MARCHF4: variants seen among roughly 807,000 people sequenced by gnomAD.
MARCHF4 encodes E3 ubiquitin-protein ligase MARCHF4.
In MARCHF4, 14 loss-of-function variants were observed where a neutral mutation model predicts 43.9. The observed-to-expected ratio is 0.32, with a 90% CI of 0.21 to 0.50. MARCHF4 has a LOEUF of 0.50. Ranked by LOEUF, MARCHF4 falls within the 20% of genes least tolerant of loss-of-function variation. MARCHF4 has a pLI of 0.98. For synonymous variants in MARCHF4, 226 were observed against 213.3 expected (o/e 1.06, Z -0.52); for missense variants, 468 against 536.7 (o/e 0.87, Z 1.27).
At chr2:216,263,517 G>GAGAGAGAGAGAGAGAA (rs1690784950) in intron 3 of MARCHF4, among the ~76,000 whole-genome samples, 2 of 97,214 alleles carry the variant, frequency 2.1e-5, no homozygotes, top group African/African-American at 5.6e-5. Context: ...GAGAGAGAGA[G>GAGAGAGAGAGAGAGAA]AGAGAGAGAG....
At chr2:216,290,480 G>A (rs1367987993) in intron 1 of MARCHF4, among the ~76,000 whole-genome samples, 6 of 152,194 alleles carry the variant, frequency 3.9e-5, no homozygotes, top group Admixed American at 3.3e-4. Flanking sequence ...GGACAGATCA[G>A]GCCAGGCTTG....
intron 1 of MARCHF4, among the ~76,000 whole-genome samples, chr2:216,360,748 C>A (rs1221612170): frequency 2.6e-5 from 4 of 152,292 alleles, no homozygotes; most frequent in African/African-American, 4.8e-5. Flanking sequence ...CTCATGTAAT[C>A]TATGGACTTT....
At chr2:216,336,066 T>TAAA (rs34216672) in intron 1 of MARCHF4, among the ~76,000 whole-genome samples, 13 of 60,566 alleles carry the variant, frequency 2.1e-4, no homozygotes, top group East Asian at 1.1e-3. Context: ...AGACTCTGTC[T>TAAA]AAAAAAAAAA....
intron 1 of MARCHF4, among the ~76,000 whole-genome samples, chr2:216,293,021 C>T (rs1691331865): frequency 6.6e-6 from 1 of 152,184 alleles, no homozygotes. Flanking sequence ...GAGTTTCCCC[C>T]TTATCTGTGG....
chr2:216,305,085 C>A (rs1221707597), intron 1 of MARCHF4, among the ~76,000 whole-genome samples: 1 of 150,448 alleles, frequency 6.6e-6, no homozygotes, highest in Non-Finnish European at 1.5e-5. Context: ...CAAGGGTACC[C>A]ACTGCATTAA....
chr2:216,309,928 C>G lies in MARCHF4; in HGVS notation c.517-26199G>C, dbSNP rs1691657170. ...TAGCTCCATTTCCCTGATTCCGAAG[C>G]CCAATCCCATCCTAGCTACAAACAC... On this transcript the variant is annotated intron_variant, in intron 1 of 3. Transcript: ENST00000273067. Among the ~76,000 whole-genome samples the G allele has an allele frequency of 2.0e-5, 3 of 152,142 alleles. No individual in the cohort carries two copies. The South Asian group carries it at 6.2e-4, about 32-fold the overall frequency.
intron 2 of MARCHF4, among the ~76,000 whole-genome samples, chr2:216,282,685 T>C (rs1691148851): frequency 6.6e-6 from 1 of 152,202 alleles, no homozygotes; most frequent in South Asian, 2.1e-4. Flanking sequence ...GGCACAGGCC[T>C]GCCAGCTCCC....
At chr2:216,276,252 A>G (rs1691019971) in intron 3 of MARCHF4, among the ~76,000 whole-genome samples, 1 of 151,918 alleles carries the variant, frequency 6.6e-6, no homozygotes. Flanking sequence ...GCTGCTGTAA[A>G]CCTCCATATG....
chr2:216,277,795 G>A lies in MARCHF4; in HGVS notation c.742C>T (p.Leu248Phe). 6.2e-7 allele frequency: 1 copy of A among 1,614,186 alleles called. No homozygotes were observed. ...ATGAGCCAAGAAATACTGGCGATGA[G>A]GAAGAGGGAGCCCAGGATGGCGGCT... ...VAAAILGSLF[L>F]IASISWLIWS... The change falls in exon 3 of 4, where the codon CTC (leucine) becomes TTC (phenylalanine). Residue 248 changes from leucine (L) to phenylalanine (F), a missense_variant. Leu to Phe is a conservative substitution (Grantham distance 22). Coordinates refer to ENST00000273067, the MANE Select transcript of MARCHF4 (RefSeq NM_020814.3).
At chr2:216,288,225 A>G (rs1416804267) in intron 1 of MARCHF4, among the ~76,000 whole-genome samples, 2 of 152,194 alleles carry the variant, frequency 1.3e-5, no homozygotes, top group Admixed American at 1.3e-4. Flanking sequence ...TCAGCCTCCC[A>G]AAGTGTAGGG....
Position 216,370,240 on chromosome 2 carries a change from C to A in MARCHF4, c.21G>T (p.Gly7=), listed in dbSNP as rs1410101022. The A allele has an allele frequency of 6.2e-7, 1 of 1,605,874 alleles. No individual in the cohort carries two copies. Among genetic ancestry groups the A allele is most frequent in the African/African-American group, 1.3e-5 (1 of 74,794 alleles). Residue 7 remains glycine (G), a synonymous_variant, in exon 1 of 4, where the codon GGG becomes GGT. Transcript: ENST00000273067. The part of the protein sequence containing the change: MLMPLC[G]LLWWWWCCCS... ...AGCAGCACCACCACCACCAGAGCAG[C>A]CCACACAGGGGCATCAGCATGTGCC...
chr2:216,263,754 G>A (rs1233737823), intron 3 of MARCHF4, among the ~76,000 whole-genome samples: 1 of 152,160 alleles, frequency 6.6e-6, no homozygotes, highest in South Asian at 2.1e-4. Flanking sequence ...GGGAAACGGT[G>A]TTCTCAGGAC....
intron 1 of MARCHF4, among the ~76,000 whole-genome samples, chr2:216,349,481 T>C (rs1470963965): frequency 6.6e-6 from 1 of 151,972 alleles, no homozygotes; most frequent in Non-Finnish European, 1.5e-5. Flanking sequence ...GAGGAGGAAA[T>C]GGAGGTTTCA....
intron 3 of MARCHF4, among the ~76,000 whole-genome samples, chr2:216,264,026 C>G (rs1017711260): frequency 6.6e-6 from 1 of 152,070 alleles, no homozygotes; most frequent in African/African-American, 2.4e-5. Context: ...TTGGAGCAAA[C>G]AGTAATGAGT....
At chr2:216,338,987 C>A (rs193111427) in intron 1 of MARCHF4, among the ~76,000 whole-genome samples, 2 of 152,258 alleles carry the variant, frequency 1.3e-5, no homozygotes, top group Admixed American at 1.3e-4. Flanking sequence ...GAGTGAGACC[C>A]AGGCTGTTTG....
At chr2:216,263,402 G>A (rs1690774906) in intron 3 of MARCHF4, among the ~76,000 whole-genome samples, 1 of 151,280 alleles carries the variant, frequency 6.6e-6, no homozygotes, top group African/African-American at 2.4e-5. Flanking sequence ...ACTCCAGCCT[G>A]GGTGCCAAAA....
intron 2 of MARCHF4, among the ~76,000 whole-genome samples, chr2:216,280,930 C>T (rs906204972): frequency 3.3e-5 from 5 of 151,928 alleles, no homozygotes; most frequent in Non-Finnish European, 7.4e-5. Context: ...AGCCATGAAA[C>T]CTTTAGACTC....
chr2:216,277,346 A>T (rs1691041625), intron 3 of MARCHF4, among the ~76,000 whole-genome samples: 1 of 152,242 alleles, frequency 6.6e-6, no homozygotes, highest in South Asian at 2.1e-4. Flanking sequence ...TAGGGTGCAC[A>T]GTGGAGAGGA....
At chr2:216,323,589 A>C (rs1022940636) in intron 1 of MARCHF4, among the ~76,000 whole-genome samples, 1 of 152,254 alleles carries the variant, frequency 6.6e-6, no homozygotes, top group Non-Finnish European at 1.5e-5. Flanking sequence ...CAAATGTAAA[A>C]GAACACAAAT....
Sources: gnomAD v4.1 joint callset for allele counts (sites outside exome capture counted in the v4.1 genomes callset) on GRCh38, gnomAD v4.1.1 for gene constraint, MANE v1.5 for transcripts, NCBI Gene and HGNC (gene_info 2026-07-23, HGNC 2026-07-21) for gene names.